HCRTR2: variants seen among roughly 807,000 people sequenced by gnomAD.
The protein encoded by HCRTR2 is hypocretin receptor 2, also known as orexin receptor type 2.
In HCRTR2, 22 loss-of-function variants were observed where a neutral mutation model predicts 49.0. The ratio of observed to expected loss-of-function variants is 0.45; its 90% CI spans 0.32 to 0.64. HCRTR2 has a LOEUF of 0.64. Among genes scored for constraint, HCRTR2 ranks in the 30% least tolerant of loss-of-function variants. The pLI is 0.04. For missense variants in HCRTR2, 491 were observed against 559.4 expected (o/e 0.88, Z 1.23); for synonymous variants, 236 against 205.3 (o/e 1.15, Z -1.28).
chr6:55,180,721 T>C (rs539963133), intron 1 of HCRTR2, among the ~76,000 whole-genome samples: 11 of 152,366 alleles, frequency 7.2e-5, no homozygotes, highest in African/African-American at 2.6e-4. Flanking sequence ...TATTTTTCTT[T>C]TTGTCATGCA....
intron 1 of HCRTR2, among the ~76,000 whole-genome samples, chr6:55,157,434 A>G (rs1764745819): frequency 6.6e-6 from 1 of 152,232 alleles, no homozygotes; most frequent in African/African-American, 2.4e-5. Context: ...GCATCTCTGG[A>G]TCCACTCAGG....
chr6:55,126,892 C>T (rs1361477305), intron 1 of HCRTR2, among the ~76,000 whole-genome samples: 1 of 152,128 alleles, frequency 6.6e-6, no homozygotes, highest in Admixed American at 6.5e-5. Flanking sequence ...ACTCAAGCCT[C>T]AGCAATGGCA....
chr6:55,210,442 T>G (rs984276141), intron 1 of HCRTR2, among the ~76,000 whole-genome samples: 5 of 152,132 alleles, frequency 3.3e-5, no homozygotes, highest in Non-Finnish European at 5.9e-5. Context: ...GGTGGACATC[T>G]GGCCTGGGGC....
At chr6:55,165,782 T>G (rs1202592193) in intron 1 of HCRTR2, among the ~76,000 whole-genome samples, 1 of 68,666 alleles carries the variant, frequency 1.5e-5, no homozygotes, top group Non-Finnish European at 3.3e-5. Context: ...TATATATATA[T>G]ATATATACTC....
intron 1 of HCRTR2, among the ~76,000 whole-genome samples, chr6:55,176,951 T>G (rs1581809642): frequency 6.6e-6 from 1 of 152,230 alleles, no homozygotes; most frequent in African/African-American, 2.4e-5. Context: ...TATTTTAATT[T>G]TCGGCTGAAT....
chr6:55,242,431 G>C (rs977594120), intron 1 of HCRTR2, among the ~76,000 whole-genome samples: 4 of 152,146 alleles, frequency 2.6e-5, no homozygotes, highest in Admixed American at 6.5e-5. Context: ...ATTGCTCTGA[G>C]TACCTCATAT....
At chr6:55,134,246 TC>T (rs1377104830) in intron 1 of HCRTR2, among the ~76,000 whole-genome samples, 3 of 151,770 alleles carry the variant, frequency 2.0e-5, no homozygotes, top group African/African-American at 7.3e-5. Context: ...TTGCTTCAAC[TC>T]ACTCTAAAAT....
At chr6:55,160,457 T>A (rs965697870) in intron 1 of HCRTR2, among the ~76,000 whole-genome samples, 6 of 152,192 alleles carry the variant, frequency 3.9e-5, no homozygotes, top group African/African-American at 1.4e-4. Flanking sequence ...GCTAGCATTA[T>A]AATGACAGGA....
chr6:55,253,201 C>T (rs1048179173), intron 2 of HCRTR2, among the ~76,000 whole-genome samples: 3 of 151,806 alleles, frequency 2.0e-5, no homozygotes, highest in Admixed American at 2.0e-4. Context: ...TTAGCACACA[C>T]ACACACACAC....
chr6:55,174,831 C>T, intron 1 of HCRTR2, 21 bp downstream of exon 1: 1 of 1,599,646 alleles, frequency 6.3e-7, no homozygotes, highest in South Asian at 1.1e-5. Context: ...TCCCGGGCAG[C>T]CCTCCTAGGG....
upstream of HCRTR2, among the ~76,000 whole-genome samples, chr6:55,171,673 G>A (rs1764951542): frequency 6.6e-6 from 1 of 152,138 alleles, no homozygotes; most frequent in Non-Finnish European, 1.5e-5. Flanking sequence ...AATATTTGTA[G>A]GATCAAGATA....
At chr6:55,225,955 C>T (rs1485051223) in intron 1 of HCRTR2, among the ~76,000 whole-genome samples, 2 of 152,238 alleles carry the variant, frequency 1.3e-5, no homozygotes, top group Non-Finnish European at 2.9e-5. Context: ...TTGGTCCTCA[C>T]CACAATACTG....
chr6:55,171,441 T>C (rs1764948171), upstream of HCRTR2, among the ~76,000 whole-genome samples: 3 of 152,198 alleles, frequency 2.0e-5, no homozygotes, highest in Admixed American at 6.5e-5. Flanking sequence ...AGAAGAGTAA[T>C]ACCTAAGAAC....
intron 1 of HCRTR2, among the ~76,000 whole-genome samples, chr6:55,125,978 T>A (rs533322021): frequency 6.6e-6 from 1 of 152,300 alleles, no homozygotes; most frequent in Admixed American, 6.5e-5. Flanking sequence ...GTCGTTTATG[T>A]TCTTCTCTAA....
chr6:55,174,237 A>G (rs202048479), upstream of HCRTR2: 1 of 191,762 alleles, frequency 5.2e-6, no homozygotes, highest in Non-Finnish European at 1.0e-5. Context: ...GCGAGGGAGG[A>G]GGCTGTGGGC....
intron 1 of HCRTR2, among the ~76,000 whole-genome samples, chr6:55,141,089 C>G (rs1764499606): frequency 6.6e-6 from 1 of 151,550 alleles, no homozygotes. Flanking sequence ...AATCCCAGCA[C>G]TTTGGGAGGC....
At chr6:55,125,105 A>C (rs548518106) in intron 1 of HCRTR2, among the ~76,000 whole-genome samples, 7 of 152,104 alleles carry the variant, frequency 4.6e-5, no homozygotes, top group Non-Finnish European at 7.4e-5. Flanking sequence ...ACATTTAGCC[A>C]ATTTACATTT....
intron 1 of HCRTR2, among the ~76,000 whole-genome samples, chr6:55,132,911 G>C (rs1470747674): frequency 6.6e-6 from 1 of 151,706 alleles, no homozygotes; most frequent in Non-Finnish European, 1.5e-5. Flanking sequence ...AGAGACCCAT[G>C]ATGACCACAG....
intron 1 of HCRTR2, among the ~76,000 whole-genome samples, chr6:55,248,347 A>C (rs1041517358): frequency 6.6e-5 from 10 of 152,132 alleles, no homozygotes; most frequent in Admixed American, 3.9e-4. Context: ...AGGGAATAGA[A>C]AGATGAATCA....
Sources: gnomAD v4.1 joint callset for allele counts (sites outside exome capture counted in the v4.1 genomes callset) on GRCh38, gnomAD v4.1.1 for gene constraint, MANE v1.5 for transcripts, NCBI Gene and HGNC (gene_info 2026-07-23, HGNC 2026-07-21) for gene names.